Variants in SLC9B1 observed in about 807,000 individuals in gnomAD.
SLC9B1 encodes the protein sodium/hydrogen exchanger 9B1.
In SLC9B1, 32 loss-of-function variants were observed where a neutral mutation model predicts 51.7. That is an observed-to-expected ratio of 0.62 (90% CI 0.47 to 0.83). The LOEUF is 0.83. SLC9B1 is among the 40% of genes least tolerant of loss of function. SLC9B1 has a pLI of 0.00. For synonymous variants in SLC9B1, 145 were observed against 212.7 expected, an observed-to-expected ratio of 0.68 and a Z score of 2.77; for missense variants, 406 against 613.2, an observed-to-expected ratio of 0.66 and a Z score of 3.57.
intron 1 of SLC9B1, among the ~76,000 whole-genome samples, chr4:103,005,660 C>G (rs1377397426): frequency 1.9e-4 from 29 of 152,138 alleles, no homozygotes; most frequent in Non-Finnish European, 1.5e-5. Flanking sequence ...ATACATTATT[C>G]TCATCTGCAC....
chr4:102,900,490 A>G (rs1340565666), downstream of SLC9B1, among the ~76,000 whole-genome samples: 2 of 152,270 alleles, frequency 1.3e-5, no homozygotes, highest in Non-Finnish European at 2.9e-5. Flanking sequence ...TATAAATAAA[A>G]ATATAGATAG....
intron 1 of SLC9B1, among the ~76,000 whole-genome samples, chr4:103,001,506 TAGGGCAGGGGCAAAATG>T (rs1352294612): frequency 6.6e-6 from 1 of 152,228 alleles, no homozygotes; most frequent in Non-Finnish European, 1.5e-5. Flanking sequence ...CACAGACCTC[TAGGGCAGGGGCAAAATG>T]CCAGCAGTCT....
intron 3 of SLC9B1, among the ~76,000 whole-genome samples, chr4:102,980,406 G>A (rs1472010409): frequency 6.6e-6 from 1 of 152,178 alleles, no homozygotes; most frequent in East Asian, 1.9e-4. Context: ...TGGATACTAT[G>A]CAGCCATAAA....
At chr4:103,008,482 G>A (rs1466994044) in intron 1 of SLC9B1, among the ~76,000 whole-genome samples, 2 of 151,292 alleles carry the variant, frequency 1.3e-5, no homozygotes, top group East Asian at 3.9e-4. Context: ...GGTGCGATCT[G>A]GGTTCACTGC....
chr4:102,946,569 A>C, intron 5 of SLC9B1, 78 bp downstream of exon 5: 4 of 1,497,390 alleles, frequency 2.7e-6, no homozygotes, highest in Middle Eastern at 2.4e-4. Flanking sequence ...CAGGAAAATA[A>C]AATTTTTGCT....
In SLC9B1 at chr4:102,906,541, A is replaced by G; in HGVS notation, c.1190T>C (p.Ile397Thr). The G allele has an allele frequency of 2.6e-6, 3 of 1,173,238 alleles. No homozygotes were observed. The African/African-American group carries it at 5.0e-5, about 19-fold the overall frequency. The allele number at this position is 1,173,238 out of a possible 1,614,324, so 72.7% of individuals were successfully genotyped here. Residue 397 changes from isoleucine to threonine, a missense_variant, in exon 10 of 12, where the codon ATT (isoleucine) becomes ACT (threonine). By Grantham distance (89) the Ile-to-Thr change is moderately conservative (BLOSUM62 -1). Around this residue, in one of 6 missense-constraint regions of SLC9B1, gnomAD observed 250 missense variants for 394.1 expected, o/e 0.63. Transcript: ENST00000296422. ...TGTGCTCTAATTATTCTTACCAACA[A>G]TATTTGATTCAAGCGATGAAACAGA... is the stretch of plus-strand genomic sequence containing the variant. ...EVSVSSLESN[I>T]VGISVATLSL...
chr4:103,014,707 T>G (rs1741234188), intron 1 of SLC9B1, among the ~76,000 whole-genome samples: 1 of 152,238 alleles, frequency 6.6e-6, no homozygotes, highest in Non-Finnish European at 1.5e-5. Context: ...ATTCTTTGCA[T>G]TGTAAGAGGC....
At chr4:102,913,796 T>TAAAAAAA (rs61244946) in intron 7 of SLC9B1, among the ~76,000 whole-genome samples, 2 of 71,444 alleles carry the variant, frequency 2.8e-5, no homozygotes, top group East Asian at 4.4e-4. Context: ...AGATAGAAAC[T>TAAAAAAA]AAAAAAAAAA....
chr4:102,894,998 A>T (rs1734468447), intron 11 of SLC9B1, among the ~76,000 whole-genome samples: 1 of 152,190 alleles, frequency 6.6e-6, no homozygotes, highest in African/African-American at 2.4e-5. Context: ...AATTAAATTC[A>T]CATTAGAATC....
chr4:102,988,151 T>G (rs1432131866), intron 3 of SLC9B1, among the ~76,000 whole-genome samples: 1 of 152,078 alleles, frequency 6.6e-6, no homozygotes, highest in African/African-American at 2.4e-5. Flanking sequence ...TTTAATTCAT[T>G]TAAAGAAAAA....
chr4:102,899,556 G>A (rs1035703886), downstream of SLC9B1, among the ~76,000 whole-genome samples: 1 of 151,894 alleles, frequency 6.6e-6, no homozygotes, highest in South Asian at 2.1e-4. Context: ...TGGGATTACA[G>A]GTGTGCGCCA....
In SLC9B1 at chr4:102,986,254, GT is replaced by G. The variant is rs138003685; in HGVS notation, c.211+3545del. ...GATACAGAATTCTAAGGCTGGTGTT[GT>G]TTTTTTTTTTTTCTCTCTCTCAACA... is the stretch of plus-strand genomic sequence containing the variant. On this transcript the variant is annotated intron_variant, in intron 3 of 11. Coordinates refer to ENST00000296422, the MANE Select transcript of SLC9B1 (RefSeq NM_139173.4). 2.7e-4 allele frequency among the ~76,000 whole-genome samples: 24 copies of G among 88,558 alleles called. 1 individual carries two copies. Among genetic ancestry groups the G allele is most frequent in the South Asian group, 2.1e-3 (6 of 2,908 alleles). 58.1% of individuals were successfully genotyped at this position (88,558 alleles called of 152,430 possible). A position where few individuals can be genotyped will look rare whatever the true frequency, so the allele number is the denominator to read the frequency against.
intron 7 of SLC9B1, among the ~76,000 whole-genome samples, chr4:102,913,796 T>TAA (rs61244946): frequency 1.4e-3 from 103 of 71,448 alleles, no homozygotes; most frequent in Admixed American, 2.5e-3. Flanking sequence ...AGATAGAAAC[T>TAA]AAAAAAAAAA....
downstream of SLC9B1, among the ~76,000 whole-genome samples, chr4:102,899,019 G>A (rs1266261874): frequency 2.0e-5 from 3 of 152,052 alleles, no homozygotes; most frequent in African/African-American, 7.2e-5. Context: ...GGGATGGTGT[G>A]AGCCACTGTG....
rs143025159 is a variant in SLC9B1, at chr4:102,966,130, T to C, written c.212-16703A>G. 7.9e-4 allele frequency among the ~76,000 whole-genome samples: 121 copies of C among 152,346 alleles called. 2 individuals are homozygous for C. Among genetic ancestry groups the C allele is most frequent in the African/African-American group, 2.8e-3 (116 of 41,578 alleles). Reference sequence around the variant, plus strand: ...AGGTTGTATGGTGGCAATGGCTCTATAGTTCTGGAGTCCCAGTGGTGGTCC... The same window carrying C: ...AGGTTGTATGGTGGCAATGGCTCTACAGTTCTGGAGTCCCAGTGGTGGTCC... On this transcript the variant is annotated intron_variant, in intron 3 of 11. Coordinates refer to ENST00000296422, the MANE Select transcript of SLC9B1 (RefSeq NM_139173.4).
At chr4:102,981,834 C>G (rs1739380768) in intron 3 of SLC9B1, among the ~76,000 whole-genome samples, 1 of 152,092 alleles carries the variant, frequency 6.6e-6, no homozygotes, top group Non-Finnish European at 1.5e-5. Flanking sequence ...GTGTATTCCA[C>G]AGAGCATAGA....
At chr4:102,976,908 G>A (rs1739100155) in intron 3 of SLC9B1, among the ~76,000 whole-genome samples, 1 of 152,162 alleles carries the variant, frequency 6.6e-6, no homozygotes, top group African/African-American at 2.4e-5. Flanking sequence ...CAGAACTTTG[G>A]GAGGCCAAGG....
intron 1 of SLC9B1, among the ~76,000 whole-genome samples, chr4:103,017,441 C>T (rs1741433548): frequency 6.6e-6 from 1 of 152,190 alleles, no homozygotes; most frequent in Non-Finnish European, 1.5e-5. Flanking sequence ...ATTTCCATGG[C>T]CTATTCAAAG....
chr4:102,894,312 T>C (rs1734429697), intron 11 of SLC9B1, among the ~76,000 whole-genome samples: 1 of 152,232 alleles, frequency 6.6e-6, no homozygotes, highest in African/African-American at 2.4e-5. Flanking sequence ...GAATAGCTGC[T>C]GTCATTATTT....
Sources: allele counts gnomAD v4.1 joint callset (sites outside exome capture counted in the v4.1 genomes callset), GRCh38; gene constraint gnomAD v4.1.1; regional missense constraint gnomAD v4.1.1; transcripts MANE v1.5; gene names NCBI Gene and HGNC (gene_info 2026-07-23, HGNC 2026-07-21).